Variants in APLP2 observed in about 807,000 individuals in gnomAD.
APLP2 encodes CDEI box-binding protein.
In APLP2, 53 loss-of-function variants were observed where a neutral mutation model predicts 89.9. That is an observed-to-expected ratio of 0.59 (90% CI 0.47 to 0.74). The LOEUF (loss-of-function observed/expected upper bound fraction) is 0.74. Ranked by LOEUF, APLP2 falls within the 30% of genes least tolerant of loss-of-function variation. The pLI is 0.00. For synonymous variants in APLP2, 372 were observed against 348.6 expected, an observed-to-expected ratio of 1.07 and a Z score of -0.75; for missense variants, 973 against 975.9, an observed-to-expected ratio of 1.00 and a Z score of 0.04.
chr11:130,126,092 C>T (rs752624000), intron 7 of APLP2, among the ~76,000 whole-genome samples: 2 of 152,176 alleles, frequency 1.3e-5, no homozygotes, highest in Admixed American at 6.5e-5. Context: ...TTGGTTCTGT[C>T]ACTGATGGTG....
At chr11:130,098,161 C>T (rs565530650) in intron 1 of APLP2, among the ~76,000 whole-genome samples, 17 of 152,246 alleles carry the variant, frequency 1.1e-4, no homozygotes, top group East Asian at 1.9e-4. Flanking sequence ...AATCCCAGCA[C>T]TTTGGGAGGC....
intron 13 of APLP2, chr11:130,137,392 C>T (rs1951758854): frequency 8.9e-7 from 1 of 1,121,970 alleles, no homozygotes; most frequent in Admixed American, 1.7e-5. Flanking sequence ...CCTGGCTTTC[C>T]CCACCTCATT....
intron 1 of APLP2, among the ~76,000 whole-genome samples, chr11:130,104,037 T>C (rs927832634): frequency 2.0e-5 from 3 of 152,096 alleles, no homozygotes; most frequent in Non-Finnish European, 4.4e-5. Flanking sequence ...ATCTGAACTT[T>C]CGAAGTGGGA....
At chr11:130,108,949 A>G (rs1386403472) in intron 1 of APLP2, 1 of 152,394 alleles carries the variant, frequency 6.6e-6, no homozygotes, top group Non-Finnish European at 1.5e-5. Flanking sequence ...TATCGCAAGG[A>G]CAGAAGACCA....
At chr11:130,095,963 A>G (rs1565565233) in intron 1 of APLP2, among the ~76,000 whole-genome samples, 2 of 151,114 alleles carry the variant, frequency 1.3e-5, no homozygotes, top group African/African-American at 2.4e-5. Context: ...ACGAAGTCAC[A>G]TTCTAGTGAT....
intron 2 of APLP2, chr11:130,109,841 G>A (rs768400830): frequency 1.5e-5 from 6 of 412,824 alleles, no homozygotes; most frequent in Non-Finnish European, 2.1e-5. Context: ...AGCCTGGCAA[G>A]TGCCATGGGA....
chr11:130,125,522 C>T (rs1431382003), intron 7 of APLP2, among the ~76,000 whole-genome samples: 3 of 152,166 alleles, frequency 2.0e-5, no homozygotes, highest in African/African-American at 7.2e-5. Flanking sequence ...ATGTAGGGCT[C>T]ATATTCTTCA....
At chr11:130,131,631 C>G (rs1026301575) in intron 11 of APLP2, among the ~76,000 whole-genome samples, 1 of 152,162 alleles carries the variant, frequency 6.6e-6, no homozygotes, top group African/African-American at 2.4e-5. Flanking sequence ...TTGACAGGGC[C>G]TAGGCTCTTG....
chr11:130,138,753 ATTT>A lies in APLP2; in HGVS notation c.1838-1624_1838-1622del, dbSNP rs34571431. The A allele has an allele frequency of 2.9e-3, 364 of 124,758 alleles. 1 individual carries two copies. Among genetic ancestry groups the A allele is most frequent in the African/African-American group, 9.0e-3 (286 of 31,718 alleles). The allele number at this position is 124,758 out of a possible 1,614,324, so 7.7% of individuals were successfully genotyped here. A position where few individuals can be genotyped will look rare whatever the true frequency, so the allele number is the denominator to read the frequency against. On this transcript the variant is annotated intron_variant, in intron 13 of 16. Transcript: ENST00000338167. Reference sequence around the variant, plus strand: ...GGTGCATGCCACCACCCTCGGCTAAATTTTTTTTTTTTTTTTTTTTTTTAACGT... The same window carrying A: ...GGTGCATGCCACCACCCTCGGCTAAATTTTTTTTTTTTTTTTTTTTAACGT...
At chr11:130,077,960 G>GA (rs199565281) in intron 1 of APLP2, among the ~76,000 whole-genome samples, 13 of 150,792 alleles carry the variant, frequency 8.6e-5, no homozygotes, top group Admixed American at 3.3e-4. Flanking sequence ...GTACACAAAA[G>GA]AAAAAAAAAG....
intron 1 of APLP2, among the ~76,000 whole-genome samples, chr11:130,097,422 G>A (rs1946355459): frequency 6.6e-6 from 1 of 152,228 alleles, no homozygotes; most frequent in African/African-American, 2.4e-5. Flanking sequence ...GACCAGGTAT[G>A]GCGACTCATG....
Position 130,113,294 on chromosome 11 carries a change from A to C in APLP2, c.403+2633A>C, listed in dbSNP as rs562175478. Among the ~76,000 whole-genome samples, 576 of 152,358 alleles carry C rather than the reference A, an allele frequency of 3.8e-3. 8 individuals carry two copies. The highest frequency in any genetic ancestry group is 0.013 in the African/African-American group (546 of 41,582). ...TTTATTGCTTTATTTCCCAAATGATAGAGTTTAAATTTGTTAGCATGTTAC... is the reference window on the plus strand; with the variant it reads ...TTTATTGCTTTATTTCCCAAATGATCGAGTTTAAATTTGTTAGCATGTTAC... On this transcript the variant is annotated intron_variant, in intron 3 of 16. Coordinates refer to ENST00000338167, the MANE Select transcript of APLP2 (RefSeq NM_001142276.2).
chr11:130,133,797 C>A (rs1418945552), intron 12 of APLP2, 69 bp downstream of exon 12: 4 of 1,242,406 alleles, frequency 3.2e-6, no homozygotes, highest in Admixed American at 1.7e-5. Context: ...GAAAGCTGGG[C>A]AAGAGTAGAG....
chr11:130,131,107 CTGTT>C (rs1188381862), intron 11 of APLP2, among the ~76,000 whole-genome samples: 2 of 152,130 alleles, frequency 1.3e-5, no homozygotes, highest in East Asian at 3.9e-4. Context: ...GTTTTTTTGT[CTGTT>C]TGTTTGAGAT....
intron 9 of APLP2, among the ~76,000 whole-genome samples, chr11:130,128,821 G>A (rs564838178): frequency 1.6e-4 from 24 of 152,230 alleles, no homozygotes; most frequent in Non-Finnish European, 2.9e-4. Context: ...GAGGCCCTTT[G>A]ACACTGAGGT....
At position 130,141,215 on chromosome 11, in the gene APLP2, C is replaced by CT. The variant is rs1952342120; in HGVS notation, c.1924-278dup. On this transcript the variant is annotated intron_variant, in intron 14 of 16. Transcript: ENST00000338167. This position sits in a 1 kb window ranked among gnomAD's most constrained non-coding sequence, Gnocchi z 4.2. ...GCCACCGCGCCTGGTGTAAACGGGG[C>CT]TTTTTGGCAGTCTGTTCTGAGATAC... 2.7e-6 allele frequency: 1 copy of CT among 366,872 alleles called. No homozygotes were observed. The highest frequency in any genetic ancestry group is 5.0e-6 in the Non-Finnish European group (1 of 201,078). 22.7% of individuals were successfully genotyped at this position (366,872 alleles called of 1,614,324 possible).
Position 130,121,768 on chromosome 11 carries a change from A to C in APLP2, c.671A>C (p.Glu224Ala). 2 of 1,613,788 alleles carry C rather than the reference A, an allele frequency of 1.2e-6. No individual in the cohort carries two copies. The highest frequency in any genetic ancestry group is 1.7e-6 in the Non-Finnish European group (2 of 1,179,912). Reference protein sequence around the residue: ...KEEEEEDEEEEEEEDEEEDYD... With the variant: ...KEEEEEDEEEAEEEDEEEDYD... ...GAGGAAGAGGAAGATGAAGAGGAAG[A>C]GGAAGAGGAAGATGAAGAGGAAGAC... Residue 224 changes from glutamate to alanine, a missense_variant, in exon 5 of 17, where the codon GAG becomes GCG. Transcript: ENST00000338167.
intron 16 of APLP2, 147 bp from the exon 17 acceptor site, chr11:130,143,200 G>T: frequency 3.0e-6 from 2 of 660,708 alleles, no homozygotes; most frequent in South Asian, 1.8e-5. Context: ...TTTCACCACC[G>T]GTTCTCATTT....
At chr11:130,126,295 A>G (rs1950358462) in intron 7 of APLP2, among the ~76,000 whole-genome samples, 1 of 152,212 alleles carries the variant, frequency 6.6e-6, no homozygotes, top group African/African-American at 2.4e-5. Context: ...ATTGCATAAA[A>G]GTGCCTCTAC....
Sources: allele counts gnomAD v4.1 joint callset (sites outside exome capture counted in the v4.1 genomes callset), GRCh38; gene constraint gnomAD v4.1.1; non-coding constraint Gnocchi (gnomAD v3.1); transcripts MANE v1.5; gene names NCBI Gene and HGNC (gene_info 2026-07-23, HGNC 2026-07-21).